AK5: variants seen among roughly 807,000 people sequenced by gnomAD.
The protein encoded by AK5 is adenylate kinase isoenzyme 5.
A neutral mutation model predicts 69.5 loss-of-function variants in AK5; 27 were observed. That is an observed-to-expected ratio of 0.39 (90% confidence interval 0.29 to 0.54). AK5 has a LOEUF of 0.54. AK5 is among the 20% of genes least tolerant of loss of function. The pLI is 0.71. For missense variants in AK5, 531 were observed against 700.4 expected (o/e 0.76, Z 2.73); for synonymous variants, 260 against 244.4 (o/e 1.06, Z -0.60).
intron 10 of AK5, among the ~76,000 whole-genome samples, chr1:77,489,024 C>G (rs958958054): frequency 1.3e-5 from 2 of 152,198 alleles, no homozygotes; most frequent in African/African-American, 4.8e-5. Flanking sequence ...TTGTTACTGT[C>G]TTGGCAGTAA....
chr1:77,403,423 GT>G (rs1649383273), intron 6 of AK5, among the ~76,000 whole-genome samples: 1 of 151,982 alleles, frequency 6.6e-6, no homozygotes, highest in South Asian at 2.1e-4. Flanking sequence ...GGTTTTTATG[GT>G]TTTAGGTCTA....
chr1:77,480,551 T>C (rs540910022), intron 8 of AK5, among the ~76,000 whole-genome samples: 21 of 152,200 alleles, frequency 1.4e-4, no homozygotes, highest in Non-Finnish European at 2.6e-4. Flanking sequence ...AGAAGAAAGA[T>C]CTAATACAGC....
chr1:77,509,871 G>A (rs747266412), intron 10 of AK5, among the ~76,000 whole-genome samples: 3 of 152,274 alleles, frequency 2.0e-5, no homozygotes, highest in East Asian at 1.9e-4. Context: ...GCCTCATTTT[G>A]CAGATAATAA....
chr1:77,298,992 C>G (rs578136955), intron 5 of AK5, among the ~76,000 whole-genome samples: 23 of 152,150 alleles, frequency 1.5e-4, no homozygotes, highest in Non-Finnish European at 2.8e-4. Context: ...TTCTTCCAGA[C>G]CTTTTTCTAT....
At chr1:77,313,957 A>C (rs763289810) in intron 5 of AK5, 6 of 487,352 alleles carry the variant, frequency 1.2e-5, no homozygotes, top group African/African-American at 1.2e-4. Flanking sequence ...CCTTGAGGCA[A>C]TGAAGTACAG....
At chr1:77,359,172 G>A (rs764953922) in intron 6 of AK5, among the ~76,000 whole-genome samples, 11 of 151,516 alleles carry the variant, frequency 7.3e-5, no homozygotes, top group Admixed American at 3.9e-4. Context: ...GAAGAATGGC[G>A]TGAACCTGGG....
intron 4 of AK5, 45 bp from the exon 5 acceptor site, chr1:77,297,789 A>T: frequency 1.2e-6 from 2 of 1,607,090 alleles, no homozygotes; most frequent in Non-Finnish European, 1.7e-6. Flanking sequence ...GAGTATACTA[A>T]GTTTAACTGT....
chr1:77,315,119 G>A (rs1167361532), intron 5 of AK5: 1 of 151,904 alleles, frequency 6.6e-6, no homozygotes, highest in Non-Finnish European at 1.5e-5. Context: ...ACACATTTAG[G>A]TAGCTGAATA....
intron 6 of AK5, among the ~76,000 whole-genome samples, chr1:77,361,749 G>A (rs1307415541): frequency 6.6e-6 from 1 of 152,146 alleles, no homozygotes; most frequent in Non-Finnish European, 1.5e-5. Flanking sequence ...AAGAGAGCTT[G>A]TGCAGGGTAA....
chr1:77,382,227 ATT>A (rs11306378), intron 6 of AK5, among the ~76,000 whole-genome samples: 2,703 of 136,768 alleles, frequency 0.02, 23 homozygotes, highest in Middle Eastern at 0.051. Context: ...TAATCTTTTA[ATT>A]TTTTTTTTTT....
At chr1:77,522,360 C>T (rs893948379) in intron 12 of AK5, among the ~76,000 whole-genome samples, 4 of 152,138 alleles carry the variant, frequency 2.6e-5, no homozygotes, top group Non-Finnish European at 5.9e-5. Context: ...GTCCCATCAT[C>T]ACTGAACCAA....
chr1:77,493,351 T>G (rs142702227), intron 10 of AK5, among the ~76,000 whole-genome samples: 206 of 151,832 alleles, frequency 1.4e-3, no homozygotes, highest in African/African-American at 4.7e-3. Flanking sequence ...TCTCAGGCCT[T>G]TGGACTCAGA....
In AK5 at chr1:77,494,943, G is replaced by A. The variant is rs182618835; in HGVS notation, c.1147+8591G>A. ...ACTACAGGTGCCCGTCACCACGCTC[G>A]GCTAATTTTTTTGTATTTTTAATAG... On this transcript the variant is annotated intron_variant, in intron 10 of 13. Transcript: ENST00000354567. 4.8e-3 allele frequency among the ~76,000 whole-genome samples: 733 copies of A among 151,906 alleles called. 6 individuals are homozygous for A. The highest frequency in any genetic ancestry group is 4.5e-3 in the Non-Finnish European group (305 of 67,962).
At chr1:77,552,441 G>C (rs1288306862) in intron 13 of AK5, among the ~76,000 whole-genome samples, 1 of 152,162 alleles carries the variant, frequency 6.6e-6, no homozygotes. Flanking sequence ...CTTGGGTTAA[G>C]ACTGGGTTTT....
intron 6 of AK5, among the ~76,000 whole-genome samples, chr1:77,351,952 G>A (rs1356901221): frequency 2.3e-5 from 3 of 127,736 alleles, no homozygotes; most frequent in Non-Finnish European, 4.8e-5. Context: ...TTCTTGAGAT[G>A]GAGTTTCGCT....
chr1:77,421,282 G>T (rs1286352569), intron 8 of AK5, among the ~76,000 whole-genome samples: 2 of 152,026 alleles, frequency 1.3e-5, no homozygotes, highest in African/African-American at 4.8e-5. Context: ...TCCTGATGAG[G>T]GATCTGAGGC....
At chr1:77,309,778 A>G (rs1364608643) in intron 5 of AK5, among the ~76,000 whole-genome samples, 4 of 152,140 alleles carry the variant, frequency 2.6e-5, no homozygotes, top group Non-Finnish European at 5.9e-5. Context: ...GAGAATTTCT[A>G]AAACATAACC....
At chr1:77,542,062 C>G (rs918727256) in intron 13 of AK5, among the ~76,000 whole-genome samples, 3 of 152,182 alleles carry the variant, frequency 2.0e-5, no homozygotes, top group Admixed American at 2.0e-4. Context: ...GGCACGGTGG[C>G]TCACACCTGT....
intron 11 of AK5, 114 bp from the exon 12 acceptor site, chr1:77,521,713 G>A (rs1008513368): frequency 5.6e-6 from 4 of 715,772 alleles, no homozygotes; most frequent in Non-Finnish European, 9.8e-6. Context: ...GCTGTCTGCT[G>A]TTAACCTTAC....
Sources: gnomAD v4.1 joint callset for allele counts (sites outside exome capture counted in the v4.1 genomes callset) on GRCh38, gnomAD v4.1.1 for gene constraint, MANE v1.5 for transcripts, NCBI Gene and HGNC (gene_info 2026-07-23, HGNC 2026-07-21) for gene names.